The following SMARCA2 variants were observed in gnomAD, a reference collection of about 807,000 sequenced individuals.
The protein encoded by SMARCA2 is SWI/SNF-related matrix-associated actin-dependent regulator of chromatin subfamily A member 2.
A neutral mutation model predicts 199.8 loss-of-function variants in SMARCA2; 61 were observed. That is an observed-to-expected ratio of 0.31 (90% CI 0.25 to 0.38). SMARCA2 has a LOEUF of 0.38. SMARCA2 is among the 10% of genes least tolerant of loss of function. The pLI is 1.00. For missense variants in SMARCA2, 1,344 were observed against 2,012.2 expected (o/e 0.67, Z 6.35); for synonymous variants, 935 against 732.0 (o/e 1.28, Z -4.48).
At chr9:2,148,583 T>G (rs542915220) in intron 27 of SMARCA2, among the ~76,000 whole-genome samples, 2 of 151,574 alleles carry the variant, frequency 1.3e-5, no homozygotes, top group Non-Finnish European at 3.0e-5. Context: ...GTTGGTGTGC[T>G]GCACCCATTA....
intron 9 of SMARCA2, among the ~76,000 whole-genome samples, chr9:2,061,698 A>G (rs549465887): frequency 6.6e-6 from 1 of 152,338 alleles, no homozygotes; most frequent in South Asian, 2.1e-4. Context: ...GTTCATGATA[A>G]ATTCTGTTTA....
chr9:2,109,909 G>T (rs565955210), intron 23 of SMARCA2, among the ~76,000 whole-genome samples: 4 of 152,116 alleles, frequency 2.6e-5, no homozygotes, highest in Non-Finnish European at 5.9e-5. Context: ...AAAGAGACAG[G>T]GCGAGAGAGG....
At position 2,170,508 on chromosome 9, in the gene SMARCA2, A is replaced by G. The variant is rs769565916; in HGVS notation, c.4253+36A>G. ...GTCTTGTATTCCCCTATCTCTAAATACAGGTATCCCTCGTTACGTGAAACA... is the reference window on the plus strand; with the variant it reads ...GTCTTGTATTCCCCTATCTCTAAATGCAGGTATCCCTCGTTACGTGAAACA... On this transcript the variant is annotated intron_variant, in intron 29 of 33. Coordinates refer to ENST00000349721, the MANE Select transcript of SMARCA2 (RefSeq NM_003070.5). The surrounding 1 kb of genome is among the most constrained non-coding windows in gnomAD (Gnocchi z 4.7). The G allele has an allele frequency of 6.8e-6, 11 of 1,613,774 alleles. No individual in the cohort carries two copies. The South Asian group carries it at 8.8e-5, about 13-fold the overall frequency.
intron 9 of SMARCA2, among the ~76,000 whole-genome samples, chr9:2,065,148 G>A (rs1319094408): frequency 6.6e-6 from 1 of 152,080 alleles, no homozygotes; most frequent in African/African-American, 2.4e-5. Flanking sequence ...CGGCGCCACT[G>A]CACTCCAGCC....
intron 27 of SMARCA2, among the ~76,000 whole-genome samples, chr9:2,144,753 C>G (rs77704363): frequency 0.022 from 3,402 of 152,226 alleles, 141 homozygotes; most frequent in African/African-American, 0.078. Context: ...TAGTGAAGTT[C>G]TCTAGCAGCG....
chr9:2,018,251 C>A (rs957945495), intron 1 of SMARCA2, among the ~76,000 whole-genome samples: 12 of 152,220 alleles, frequency 7.9e-5, no homozygotes, highest in African/African-American at 2.9e-4. Context: ...TCAATGTCTG[C>A]ACCGGGTGTT....
chr9:2,170,597 T>G lies in SMARCA2; in HGVS notation c.4253+125T>G, dbSNP rs568765312. The G allele has an allele frequency of 7.4e-6, 11 of 1,489,938 alleles. No individual in the cohort carries two copies. The African/African-American group carries it at 1.5e-4, about 21-fold the overall frequency. 92.3% of individuals were successfully genotyped at this position (1,489,938 alleles called of 1,614,324 possible). A position where few individuals can be genotyped will look rare whatever the true frequency, so the allele number is the denominator to read the frequency against. On this transcript the variant is annotated intron_variant, in intron 29 of 33. Transcript: ENST00000349721. The surrounding 1 kb of genome is among the most constrained non-coding windows in gnomAD (Gnocchi z 4.7). Reference sequence around the variant, plus strand: ...TCGGTCACCTCCTGATCACCCCTACTTGGAGAGCGGGATAGAGGCACAGAT... The same window carrying G: ...TCGGTCACCTCCTGATCACCCCTACGTGGAGAGCGGGATAGAGGCACAGAT...
chr9:2,027,709 G>A (rs1818894384), intron 1 of SMARCA2: 1 of 152,264 alleles, frequency 6.6e-6, no homozygotes, highest in Non-Finnish European at 1.5e-5. Flanking sequence ...TTCCACTGTG[G>A]GTAAAGAGCC....
chr9:2,054,035 G>A (rs956973808), intron 5 of SMARCA2, among the ~76,000 whole-genome samples: 1 of 152,288 alleles, frequency 6.6e-6, no homozygotes, highest in Non-Finnish European at 1.5e-5. Flanking sequence ...AGAGGAAGTG[G>A]TTGTGGCTGG....
At position 2,123,604 on chromosome 9, in the gene SMARCA2, G is replaced by A. The variant is rs944596899; in HGVS notation, c.3763-115G>A. Reference sequence around the variant, plus strand: ...AGAACAAGCCAACCAGGATGAGAGAGGTTGAAAGGGACCCTGCAGCCATAG... The same window carrying A: ...AGAACAAGCCAACCAGGATGAGAGAAGTTGAAAGGGACCCTGCAGCCATAG... On this transcript the variant is annotated intron_variant, in intron 26 of 33. Coordinates refer to ENST00000349721, the MANE Select transcript of SMARCA2 (RefSeq NM_003070.5). This position sits in a 1 kb window ranked among gnomAD's most constrained non-coding sequence, Gnocchi z 4.1. 282 of 860,182 alleles carry A rather than the reference G, an allele frequency of 3.3e-4. 1 individual carries two copies. The highest frequency in any genetic ancestry group is 1.4e-4 in the Admixed American group (7 of 50,180). The allele number at this position is 860,182 out of a possible 1,614,324, so 53.3% of individuals were successfully genotyped here.
intron 27 of SMARCA2, among the ~76,000 whole-genome samples, chr9:2,151,418 C>G (rs988335168): frequency 6.6e-6 from 1 of 151,512 alleles, no homozygotes; most frequent in East Asian, 1.9e-4. Context: ...AAGACCCAGG[C>G]CAGCATGAAG....
intron 19 of SMARCA2, among the ~76,000 whole-genome samples, chr9:2,089,989 T>C (rs760013471): frequency 5.9e-5 from 9 of 152,216 alleles, no homozygotes; most frequent in Non-Finnish European, 8.8e-5. Context: ...ATCTTGTTCA[T>C]TCACTTCTAA....
At chr9:2,184,911 C>T (rs1337202252) in intron 31 of SMARCA2, among the ~76,000 whole-genome samples, 2 of 152,158 alleles carry the variant, frequency 1.3e-5, no homozygotes, top group Admixed American at 1.3e-4. Flanking sequence ...CTATATTGTT[C>T]ATTTGGTGCA....
intron 27 of SMARCA2, among the ~76,000 whole-genome samples, chr9:2,147,874 G>T (rs1824847702): frequency 6.7e-6 from 1 of 149,706 alleles, no homozygotes; most frequent in Non-Finnish European, 1.5e-5. Context: ...GCCTCACCCA[G>T]GCTGTAGTGC....
intron 21 of SMARCA2, among the ~76,000 whole-genome samples, chr9:2,100,348 GC>G (rs1388210214): frequency 2.0e-5 from 3 of 152,204 alleles, no homozygotes; most frequent in Admixed American, 2.0e-4. Flanking sequence ...CTTGAGGGGT[GC>G]TGTACATCTA....
At chr9:2,175,191 T>C (rs1207272447) in intron 29 of SMARCA2, among the ~76,000 whole-genome samples, 5 of 152,268 alleles carry the variant, frequency 3.3e-5, no homozygotes, top group African/African-American at 9.6e-5. Context: ...CCCACTGTTA[T>C]GAAACGTCAA....
chr9:2,099,184 G>A (rs1250938446), intron 21 of SMARCA2, among the ~76,000 whole-genome samples: 1 of 152,118 alleles, frequency 6.6e-6, no homozygotes, highest in Non-Finnish European at 1.5e-5. Flanking sequence ...CTGATGATGT[G>A]TTATATCAGA....
chr9:2,060,118 CAAA>C (rs372329238), intron 8 of SMARCA2, among the ~76,000 whole-genome samples: 628 of 62,200 alleles, frequency 0.01, 1 homozygote, highest in African/African-American at 0.026. Context: ...GATCTGTGGC[CAAA>C]AAAAAAAAAA....
At chr9:2,027,300 T>C (rs557161191) in intron 1 of SMARCA2, among the ~76,000 whole-genome samples, 2 of 151,898 alleles carry the variant, frequency 1.3e-5, no homozygotes, top group South Asian at 4.2e-4. Flanking sequence ...AAAATTAGCT[T>C]GGCACGGTGG....
Sources: allele counts gnomAD v4.1 joint callset (sites outside exome capture counted in the v4.1 genomes callset), GRCh38; gene constraint gnomAD v4.1.1; non-coding constraint Gnocchi (gnomAD v3.1); transcripts MANE v1.5; gene names NCBI Gene and HGNC (gene_info 2026-07-23, HGNC 2026-07-21).